Variants in TTLL2 observed in about 807,000 individuals in gnomAD.
TTLL2 encodes the protein tubulin tyrosine ligase like 2, also known as probable tubulin polyglutamylase TTLL2.
A neutral mutation model predicts 7.5 loss-of-function variants in TTLL2; 10 were observed. That is an observed-to-expected ratio of 1.33 (90% CI 0.82 to 2.25). The LOEUF is 2.25. Ranked by LOEUF, TTLL2 falls within the 30% of genes most tolerant of loss-of-function variation. The pLI is 0.00. For synonymous variants in TTLL2, 284 were observed against 280.3 expected (o/e 1.01, Z -0.13); for missense variants, 733 against 735.7 (o/e 1.00, Z 0.04).
chr6:167,330,457 A>T (rs1465519113), intron 1 of TTLL2, among the ~76,000 whole-genome samples: 2 of 152,120 alleles, frequency 1.3e-5, no homozygotes, highest in African/African-American at 4.8e-5. Flanking sequence ...ACTACTTGAG[A>T]GGCTGAGGCA....
chr6:167,325,348 C>G, intron 1 of TTLL2, 128 bp downstream of exon 1: 1 of 885,498 alleles, frequency 1.1e-6, no homozygotes, highest in Non-Finnish European at 1.7e-6. Flanking sequence ...CTGGGACCCC[C>G]GAGGGGCAAT....
intron 1 of TTLL2, among the ~76,000 whole-genome samples, chr6:167,329,378 C>T (rs961601175): frequency 1.3e-5 from 2 of 152,062 alleles, no homozygotes; most frequent in African/African-American, 4.8e-5. Flanking sequence ...AGTTTTTCGA[C>T]ATTTTGAGCT....
chr6:167,326,352 T>A (rs1340854412), intron 1 of TTLL2, among the ~76,000 whole-genome samples: 2 of 152,142 alleles, frequency 1.3e-5, no homozygotes, highest in African/African-American at 2.4e-5. Flanking sequence ...GGTAGGAAGT[T>A]TTTTTAAGTT....
chr6:167,338,551 AC>A, intron 1 of TTLL2, 95 bp from the exon 2 acceptor site: 1 of 1,443,260 alleles, frequency 6.9e-7, no homozygotes, highest in South Asian at 1.6e-5. Context: ...AATTTTAATA[AC>A]CATGATGGAT....
At chr6:167,329,283 C>T (rs1778889644) in intron 1 of TTLL2, among the ~76,000 whole-genome samples, 1 of 152,156 alleles carries the variant, frequency 6.6e-6, no homozygotes, top group Admixed American at 6.5e-5. Flanking sequence ...CACACTTTTA[C>T]CTACTTCAGA....
Position 167,341,254 on chromosome 6 carries a change from T to G in TTLL2, c.1354T>G (p.Cys452Gly). 1 of 1,613,738 alleles carries G rather than the reference T, an allele frequency of 6.2e-7. No homozygotes were observed. The highest frequency in any genetic ancestry group is 8.5e-7 in the Non-Finnish European group (1 of 1,180,010). Reference protein sequence around the residue: ...SDRGGLDAPDCLPYDSLSFTS... With the variant: ...SDRGGLDAPDGLPYDSLSFTS... ...CAGAGGTGGGCTTGATGCTCCTGACTGTCTTCCTTATGATTCTCTTTCGTT... is the reference window on the plus strand; with the variant it reads ...CAGAGGTGGGCTTGATGCTCCTGACGGTCTTCCTTATGATTCTCTTTCGTT... The change falls in exon 3 of 3, where the codon TGT (cysteine) becomes GGT (glycine). Residue 452 changes from cysteine to glycine, a missense_variant. Physicochemically the swap from Cys to Gly is radical, Grantham distance 159. Coordinates refer to ENST00000239587, the MANE Select transcript of TTLL2 (RefSeq NM_031949.5).
chr6:167,329,650 C>A (rs1778895203), intron 1 of TTLL2, among the ~76,000 whole-genome samples: 2 of 152,066 alleles, frequency 1.3e-5, no homozygotes, highest in Non-Finnish European at 2.9e-5. Flanking sequence ...TACGGTAAAC[C>A]TACTTTATTC....
At chr6:167,330,974 C>T (rs893153502) in intron 1 of TTLL2, among the ~76,000 whole-genome samples, 5 of 152,156 alleles carry the variant, frequency 3.3e-5, no homozygotes, top group African/African-American at 4.8e-5. Flanking sequence ...CTTGTCCAGC[C>T]GGACCCAGTC....
rs755580641 is a variant in TTLL2 at position 167,340,207 on chromosome 6, C to T, written c.307C>T (p.Leu103Phe). Reference sequence around the variant, plus strand: ...CACCCCGGCTGTGGTGCAAAGCGTCCTCCTGGAGAGGGGGTGGAATAAGTT... The same window carrying T: ...CACCCCGGCTGTGGTGCAAAGCGTCTTCCTGGAGAGGGGGTGGAATAAGTT... ...ETTPAVVQSV[L>F]LERGWNKFDK... The change falls in exon 3 of 3, where the codon CTC (leucine) becomes TTC (phenylalanine). Residue 103 changes from leucine to phenylalanine, a missense_variant. Physicochemically the swap from Leu to Phe is conservative, Grantham distance 22. Coordinates refer to ENST00000239587, the MANE Select transcript of TTLL2 (RefSeq NM_031949.5). The T allele has an allele frequency of 1.9e-6, 3 of 1,614,074 alleles. No individual in the cohort carries two copies. In the Admixed American group the frequency reaches 5.0e-5, roughly 27 times the overall value.
intron 1 of TTLL2, among the ~76,000 whole-genome samples, chr6:167,329,336 AACCCTC>A: frequency 6.6e-6 from 1 of 152,248 alleles, no homozygotes; most frequent in Middle Eastern, 3.4e-3. Context: ...TGAGGCTGAA[AACCCTC>A]ACTGAGGCCC....
intron 1 of TTLL2, among the ~76,000 whole-genome samples, chr6:167,326,248 T>C (rs1378292199): frequency 6.6e-6 from 1 of 152,066 alleles, no homozygotes; most frequent in Non-Finnish European, 1.5e-5. Context: ...TTCCTGATAA[T>C]TAACAGAAAA....
chr6:167,328,074 G>T (rs1427038114), intron 1 of TTLL2: 1 of 452,388 alleles, frequency 2.2e-6, no homozygotes, highest in Non-Finnish European at 4.4e-6. Context: ...CGGTCAAATG[G>T]AAAGTTGCTC....
intron 1 of TTLL2, among the ~76,000 whole-genome samples, chr6:167,336,026 C>A (rs1241782083): frequency 6.6e-6 from 1 of 151,450 alleles, no homozygotes; most frequent in Non-Finnish European, 1.5e-5. Context: ...GAGTAGAGAC[C>A]ACATTTCCTG....
chr6:167,341,430 G>A lies in TTLL2; in HGVS notation c.1530G>A (p.Lys510=). 9 of 1,614,016 alleles carry A rather than the reference G, an allele frequency of 5.6e-6. No homozygotes were observed. Among genetic ancestry groups the A allele is most frequent in the Non-Finnish European group, 6.8e-6 (8 of 1,180,014 alleles). The change falls in exon 3 of 3, where the codon AAG becomes AAA. Residue 510 remains lysine, a synonymous_variant. Transcript: ENST00000239587. ...STREMPQSKP[K]LRSRHTPHKT... is the part of the protein sequence containing the mutation. ...GGGAGATGCCACAAAGCAAGCCCAA[G>A]TTACGGAGCAGGCACACGCCTCACA...
intron 1 of TTLL2, among the ~76,000 whole-genome samples, chr6:167,337,072 C>T (rs1778993956): frequency 6.6e-6 from 1 of 152,214 alleles, no homozygotes; most frequent in African/African-American, 2.4e-5. Context: ...AGACGTGTCC[C>T]AGCCAACTTC....
intron 1 of TTLL2, among the ~76,000 whole-genome samples, chr6:167,329,490 T>C (rs1778893356): frequency 6.6e-6 from 1 of 152,200 alleles, no homozygotes; most frequent in African/African-American, 2.4e-5. Flanking sequence ...GTTGGTTAAA[T>C]TGACAGGTGT....
In TTLL2 at chr6:167,340,716, T is replaced by G; in HGVS notation, c.816T>G (p.Val272=). Residue 272 remains valine, a synonymous_variant, in exon 3 of 3, where the codon GTT becomes GTG. Transcript: ENST00000239587. ...GCTTTAAGCCTTTGACCATTTATGT[T>G]TATCAGGAAGGGTTGGTTCGGTTTG... is the stretch of plus-strand genomic sequence containing the variant. The part of the protein sequence containing the change: ...VTGFKPLTIY[V]YQEGLVRFAT... 6.2e-7 allele frequency: 1 copy of G among 1,614,220 alleles called. No individual in the cohort carries two copies. Among genetic ancestry groups the G allele is most frequent in the Non-Finnish European group, 8.5e-7 (1 of 1,180,036 alleles).
At chr6:167,339,987 A>T in intron 2 of TTLL2, 118 bp from the exon 3 acceptor site, 1 of 1,089,930 alleles carries the variant, frequency 9.2e-7, no homozygotes, top group Non-Finnish European at 1.3e-6. Flanking sequence ...GAGACTGCAC[A>T]GTGGGAGGGT....
Position 167,338,782 on chromosome 6 carries a change from A to G in TTLL2, c.183A>G (p.Pro61=). 1 of 1,611,964 alleles carries G rather than the reference A, an allele frequency of 6.2e-7. No individual in the cohort carries two copies. The highest frequency in any genetic ancestry group is 1.1e-5 in the South Asian group (1 of 90,822). Residue 61 remains proline, a synonymous_variant, in exon 2 of 3, where the codon CCA becomes CCG. Coordinates refer to ENST00000239587, the MANE Select transcript of TTLL2 (RefSeq NM_031949.5). Reference sequence around the variant, plus strand: ...CCATCCCTCCCAGGCGAGGCCGCCCAACACCAACACTGGAGAAGAAGGTGG... The same window carrying G: ...CCATCCCTCCCAGGCGAGGCCGCCCGACACCAACACTGGAGAAGAAGGTGG... ...GVSIPPRRGR[P]TPTLEKKKKP... is the part of the protein sequence containing the mutation.
Sources: gnomAD v4.1 joint callset for allele counts (sites outside exome capture counted in the v4.1 genomes callset) on GRCh38, gnomAD v4.1.1 for gene constraint, MANE v1.5 for transcripts, NCBI Gene and HGNC (gene_info 2026-07-23, HGNC 2026-07-21) for gene names.